The following RTN4 variants were observed in gnomAD, a reference collection of about 807,000 sequenced individuals.
The protein encoded by RTN4 is reticulon 4.
A neutral mutation model predicts 90.4 loss-of-function variants in RTN4; 32 were observed. The observed-to-expected ratio is 0.35, with a 90% CI of 0.27 to 0.48. The LOEUF (loss-of-function observed/expected upper bound fraction) is 0.48. Among genes scored for constraint, RTN4 ranks in the 20% least tolerant of loss-of-function variants. The pLI, the probability that RTN4 is intolerant of heterozygous loss-of-function variation, is 0.99. For missense variants in RTN4, 1,706 were observed against 1,430.2 expected (o/e 1.19, Z -3.11); for synonymous variants, 629 against 552.5 (o/e 1.14, Z -1.94).
intron 3 of RTN4, among the ~76,000 whole-genome samples, chr2:55,020,715 G>C (rs1462113048): frequency 6.6e-6 from 1 of 152,076 alleles, no homozygotes; most frequent in Non-Finnish European, 1.5e-5. Flanking sequence ...GTCATTTTAA[G>C]AAAACAAGAA....
At chr2:55,127,348 A>C in the RTN4 span, among the ~76,000 whole-genome samples, 21 of 152,202 alleles carry the variant, frequency 1.4e-4, no homozygotes, top group Non-Finnish European at 1.0e-4. Flanking sequence ...GGCAGCTTTC[A>C]TAAGAGCACA....
chr2:55,099,653 GC>G (rs1558879744), intron 1 of RTN4, among the ~76,000 whole-genome samples: 1 of 152,048 alleles, frequency 6.6e-6, no homozygotes, highest in Non-Finnish European at 1.5e-5. Flanking sequence ...CATACTAGTG[GC>G]TAAAAGTGCA....
At chr2:55,052,115 G>A (rs767320339), upstream of RTN4, among the ~76,000 whole-genome samples, 6 of 152,170 alleles carry the variant, frequency 3.9e-5, no homozygotes, top group Non-Finnish European at 7.4e-5. Context: ...AAACTGTTCT[G>A]TATTATCCTG....
At chr2:54,988,991 T>C (rs74771821) in intron 3 of RTN4, among the ~76,000 whole-genome samples, 11,000 of 152,242 alleles carry the variant, frequency 0.072, 1,251 homozygotes, top group African/African-American at 0.24. Flanking sequence ...ATAGTAAATA[T>C]GGATATACTC....
the RTN4 span, among the ~76,000 whole-genome samples, chr2:55,124,433 G>A: frequency 3.9e-5 from 6 of 152,310 alleles, no homozygotes; most frequent in South Asian, 2.1e-4. Context: ...TTCAAACCAA[G>A]AGCCAAATCA....
the RTN4 span, among the ~76,000 whole-genome samples, chr2:55,128,297 A>C: frequency 2.8e-4 from 42 of 152,190 alleles, no homozygotes; most frequent in Non-Finnish European, 6.2e-4. Flanking sequence ...CTGGGCCTTC[A>C]GGGTGGCCTC....
At chr2:55,116,852 GTTTCTTTTTC>G (rs1668134570), upstream of RTN4, among the ~76,000 whole-genome samples, 1 of 147,294 alleles carries the variant, frequency 6.8e-6, no homozygotes, top group African/African-American at 2.5e-5. Context: ...ATGCATAGCT[GTTTCTTTTTC>G]TTTCTTTTTT....
intron 1 of RTN4, among the ~76,000 whole-genome samples, chr2:55,084,272 T>A (rs1294853723): frequency 1.3e-5 from 2 of 151,070 alleles, no homozygotes; most frequent in African/African-American, 4.9e-5. Flanking sequence ...ATCTTTTTCA[T>A]CTGGCTGTTC....
At chr2:54,994,861 A>G (rs190230908) in intron 3 of RTN4, among the ~76,000 whole-genome samples, 77 of 152,370 alleles carry the variant, frequency 5.1e-4, no homozygotes, top group African/African-American at 1.6e-3. Context: ...GTGAAATGAC[A>G]TGTAACAGAA....
intron 5 of RTN4, among the ~76,000 whole-genome samples, chr2:54,977,055 G>C (rs1392500970): frequency 1.3e-5 from 2 of 152,226 alleles, no homozygotes; most frequent in Non-Finnish European, 2.9e-5. Context: ...TGATTAAAGA[G>C]CTCTGCAGAT....
intron 1 of RTN4, among the ~76,000 whole-genome samples, chr2:55,029,239 G>C (rs373804460): frequency 6.6e-6 from 1 of 152,148 alleles, no homozygotes; most frequent in Non-Finnish European, 1.5e-5. Flanking sequence ...CCAGCACCTT[G>C]ATCTTAGACT....
intron 3 of RTN4, among the ~76,000 whole-genome samples, chr2:55,006,520 T>C (rs1313365988): frequency 1.3e-5 from 2 of 152,026 alleles, no homozygotes; most frequent in South Asian, 2.1e-4. Flanking sequence ...CCTAAAAGAA[T>C]CTCTACACGG....
intron 2 of RTN4, among the ~76,000 whole-genome samples, chr2:55,073,832 T>A (rs993383333): frequency 2.0e-5 from 3 of 152,204 alleles, no homozygotes; most frequent in African/African-American, 7.2e-5. Context: ...AAGAGACGTA[T>A]AAACTTATCC....
At chr2:55,002,948 A>C (rs1301765273) in intron 3 of RTN4, among the ~76,000 whole-genome samples, 1 of 152,232 alleles carries the variant, frequency 6.6e-6, no homozygotes, top group Non-Finnish European at 1.5e-5. Context: ...TGTATAATTT[A>C]CTATAGTTTA....
chr2:55,072,518 C>T lies in RTN4; in HGVS notation c.-63+7971G>A, dbSNP rs1420845014. Among the ~76,000 whole-genome samples, 4 of 152,166 alleles carry T rather than the reference C, an allele frequency of 2.6e-5. No homozygotes were observed. The South Asian group carries it at 6.2e-4, about 24-fold the overall frequency. ...TGCTGGGATTACAGGCGTGAGCCACCGCACCCGGCCCAGTATTTATATTTT... is the reference window on the plus strand; with the variant it reads ...TGCTGGGATTACAGGCGTGAGCCACTGCACCCGGCCCAGTATTTATATTTT... On this transcript the variant is annotated intron_variant, in intron 2 of 3. Transcript: ENST00000427710.
chr2:55,074,047 G>A (rs1668559386), intron 2 of RTN4, among the ~76,000 whole-genome samples: 2 of 152,188 alleles, frequency 1.3e-5, no homozygotes, highest in Admixed American at 6.5e-5. Context: ...AAATCAGATG[G>A]CAAGTAAGTA....
intron 3 of RTN4, chr2:55,010,239 G>A (rs199661437): frequency 3.1e-5 from 49 of 1,568,162 alleles, no homozygotes; most frequent in Non-Finnish European, 4.1e-5. Context: ...ACCGAAGTCT[G>A]CAGTCTCCTC....
intron 7 of RTN4, 76 bp from the exon 8 acceptor site, chr2:54,973,697 G>T: frequency 6.7e-7 from 1 of 1,499,382 alleles, no homozygotes; most frequent in Non-Finnish European, 9.3e-7. Context: ...CAAGCTAAAG[G>T]CTTAAGAAAC....
At chr2:55,116,018 G>A (rs1272796989), upstream of RTN4, among the ~76,000 whole-genome samples, 1 of 151,174 alleles carries the variant, frequency 6.6e-6, no homozygotes, top group Non-Finnish European at 1.5e-5. Context: ...CATGGCTACT[G>A]TTGTGGCCAT....
Sources: gnomAD v4.1 joint callset for allele counts (sites outside exome capture counted in the v4.1 genomes callset) on GRCh38, gnomAD v4.1.1 for gene constraint, MANE v1.5 for transcripts, NCBI Gene and HGNC (gene_info 2026-07-23, HGNC 2026-07-21) for gene names.